MOB3B: variants seen among roughly 807,000 people sequenced by gnomAD.
MOB3B encodes MOB kinase activator 3B.
In MOB3B, 7 loss-of-function variants were observed where a neutral mutation model predicts 18.7. The ratio of observed to expected loss-of-function variants is 0.37; its 90% CI spans 0.21 to 0.70. MOB3B has a LOEUF of 0.70. Ranked by LOEUF, MOB3B falls within the 30% of genes least tolerant of loss-of-function variation. The pLI, the probability that MOB3B is intolerant of heterozygous loss-of-function variation, is 0.52. For synonymous variants in MOB3B, 111 were observed against 99.9 expected, an observed-to-expected ratio of 1.11 and a Z score of -0.66; for missense variants, 253 against 281.3, an observed-to-expected ratio of 0.90 and a Z score of 0.72.
At chr9:27,463,034 TCAAA>T (rs1355666017) in intron 1 of MOB3B, among the ~76,000 whole-genome samples, 2 of 152,190 alleles carry the variant, frequency 1.3e-5, no homozygotes, top group Non-Finnish European at 2.9e-5. Flanking sequence ...CTGCAAGAAT[TCAAA>T]CAGTTTACGT....
At chr9:27,348,655 A>G (rs1821064236) in intron 3 of MOB3B, among the ~76,000 whole-genome samples, 1 of 152,020 alleles carries the variant, frequency 6.6e-6, no homozygotes, top group Admixed American at 6.6e-5. Context: ...TCCATCTCAA[A>G]ATAAAAAAAA....
chr9:27,369,839 C>T (rs1019529192), intron 2 of MOB3B, among the ~76,000 whole-genome samples: 4 of 152,124 alleles, frequency 2.6e-5, no homozygotes, highest in Admixed American at 6.5e-5. Context: ...TCCTCTAGAA[C>T]GTCCTCCCTG....
At chr9:27,525,456 GA>G (rs1377587589) in intron 1 of MOB3B, among the ~76,000 whole-genome samples, 8 of 152,160 alleles carry the variant, frequency 5.3e-5, no homozygotes, top group Non-Finnish European at 7.4e-5. Context: ...TGCTCGGGGG[GA>G]AAAAGGTTGA....
chr9:27,506,146 G>C (rs1744724369), intron 1 of MOB3B, among the ~76,000 whole-genome samples: 1 of 152,214 alleles, frequency 6.6e-6, no homozygotes, highest in African/African-American at 2.4e-5. Flanking sequence ...TGACTCACAA[G>C]TTTTTCTTGG....
At chr9:27,436,050 G>C (rs922369099) in intron 2 of MOB3B, among the ~76,000 whole-genome samples, 5 of 152,210 alleles carry the variant, frequency 3.3e-5, no homozygotes, top group Admixed American at 2.0e-4. Context: ...CAGGACCTTT[G>C]TAGCTGTTGT....
rs1458774765 is a variant in MOB3B at position 27,455,136 on chromosome 9, C to T, written c.415G>A (p.Val139Met). ...TGAGAGCTGGTAATGAACTTACCCACGCATGTTGGAAATATTTCCTCGTTG... is the reference window on the plus strand; with the variant it reads ...TGAGAGCTGGTAATGAACTTACCCATGCATGTTGGAAATATTTCCTCGTTG... Reference protein sequence around the residue: ...INNEEIFPTCVGVPFPKNFLQ... With the variant: ...INNEEIFPTCMGVPFPKNFLQ... The change falls in exon 2 of 4, where the codon GTG (valine) becomes ATG (methionine). Residue 139 changes from valine to methionine, a missense_variant. Physicochemically the swap from Val to Met is conservative, Grantham distance 21 (BLOSUM62 1). Transcript: ENST00000262244. 8 of 1,613,968 alleles carry T rather than the reference C, an allele frequency of 5.0e-6. No individual in the cohort carries two copies. The highest frequency in any genetic ancestry group is 2.7e-5 in the African/African-American group (2 of 74,894).
intron 1 of MOB3B, among the ~76,000 whole-genome samples, chr9:27,508,740 G>A (rs1820095041): frequency 2.6e-5 from 4 of 152,112 alleles, no homozygotes. Context: ...TTTGTCCCCA[G>A]ACAGCGATTT....
At chr9:27,528,229 A>C (rs938678461) in intron 1 of MOB3B, among the ~76,000 whole-genome samples, 2 of 152,172 alleles carry the variant, frequency 1.3e-5, no homozygotes, top group Admixed American at 6.5e-5. Flanking sequence ...CCGCCCTTGG[A>C]AACTTGTGGA....
intron 2 of MOB3B, 38 bp from the exon 3 acceptor site, chr9:27,359,274 T>A: frequency 4.5e-6 from 7 of 1,567,288 alleles, no homozygotes; most frequent in Non-Finnish European, 6.1e-6. Context: ...GAAACCATGA[T>A]GGGATAGATC....
intron 1 of MOB3B, 107 bp from the exon 2 acceptor site, chr9:27,455,855 C>A: frequency 8.5e-7 from 1 of 1,181,520 alleles, no homozygotes; most frequent in Non-Finnish European, 1.1e-6. Context: ...GCCCACTCTC[C>A]ATCCAGGTAT....
chr9:27,525,843 A>G (rs1820428234), intron 1 of MOB3B, among the ~76,000 whole-genome samples: 1 of 152,236 alleles, frequency 6.6e-6, no homozygotes, highest in African/African-American at 2.4e-5. Flanking sequence ...AGCTATTCCA[A>G]TAATACATAA....
intron 1 of MOB3B, among the ~76,000 whole-genome samples, chr9:27,463,862 G>A (rs1819333464): frequency 6.6e-6 from 1 of 152,008 alleles, no homozygotes; most frequent in Admixed American, 6.6e-5. Context: ...AGGCTGAGGT[G>A]GGAGGATCAC....
intron 3 of MOB3B, among the ~76,000 whole-genome samples, chr9:27,353,001 G>T (rs957755068): frequency 2.0e-5 from 3 of 152,178 alleles, no homozygotes; most frequent in African/African-American, 7.2e-5. Flanking sequence ...CTCAGGACTG[G>T]CATTTTGAGG....
chr9:27,529,082 C>G (rs1820488352), intron 1 of MOB3B, among the ~76,000 whole-genome samples: 1 of 152,098 alleles, frequency 6.6e-6, no homozygotes, highest in South Asian at 2.1e-4. Flanking sequence ...TGCCCCAAGC[C>G]GAGACTCCTC....
chr9:27,344,958 C>A (rs1821010676), intron 3 of MOB3B, among the ~76,000 whole-genome samples: 1 of 152,238 alleles, frequency 6.6e-6, no homozygotes, highest in East Asian at 1.9e-4. Context: ...TAAATGCCAA[C>A]TGGCGATGAC....
intron 2 of MOB3B, among the ~76,000 whole-genome samples, chr9:27,383,514 G>A (rs1350405019): frequency 1.3e-5 from 2 of 152,178 alleles, no homozygotes; most frequent in Non-Finnish European, 2.9e-5. Flanking sequence ...ATGAGAGAGG[G>A]CCAGATAACC....
At chr9:27,501,192 G>A (rs1006059154) in intron 1 of MOB3B, among the ~76,000 whole-genome samples, 2 of 152,180 alleles carry the variant, frequency 1.3e-5, no homozygotes, top group Non-Finnish European at 2.9e-5. Flanking sequence ...AGACAGTGTG[G>A]TGATTCCTCA....
chr9:27,332,478 G>A (rs1471707352), intron 3 of MOB3B, among the ~76,000 whole-genome samples: 1 of 152,202 alleles, frequency 6.6e-6, no homozygotes, highest in East Asian at 1.9e-4. Context: ...AAAGAAAGAA[G>A]CTAGCTATAG....
At chr9:27,375,851 TTCTAA>T (rs1821482649) in intron 2 of MOB3B, among the ~76,000 whole-genome samples, 1 of 152,182 alleles carries the variant, frequency 6.6e-6, no homozygotes, top group African/African-American at 2.4e-5. Context: ...CTGAAAAAAC[TTCTAA>T]TCTACAAATG....
Sources: allele counts gnomAD v4.1 joint callset (sites outside exome capture counted in the v4.1 genomes callset), GRCh38; gene constraint gnomAD v4.1.1; transcripts MANE v1.5; gene names NCBI Gene and HGNC (gene_info 2026-07-23, HGNC 2026-07-21).